PNISR: variants seen among roughly 807,000 people sequenced by gnomAD.
PNISR encodes the protein arginine/serine-rich protein PNISR.
A neutral mutation model predicts 93.4 loss-of-function variants in PNISR; 20 were observed. The ratio of observed to expected loss-of-function variants is 0.21; its 90% confidence interval spans 0.15 to 0.31. PNISR has a LOEUF of 0.31. Ranked by LOEUF, PNISR falls within the 10% of genes least tolerant of loss-of-function variation. PNISR has a pLI of 1.00. For missense variants in PNISR, 893 were observed against 985.4 expected (o/e 0.91, Z 1.25); for synonymous variants, 305 against 306.5 (o/e 0.99, Z 0.05).
In PNISR at chr6:99,408,192, C is replaced by T. The variant is rs555235568; in HGVS notation, c.753G>A (p.Leu251=). The T allele has an allele frequency of 5.6e-6, 9 of 1,613,218 alleles. No individual in the cohort carries two copies. In the South Asian group the frequency reaches 7.7e-5, roughly 14 times the overall value. The part of the protein sequence containing the change: ...EKMEREKQKK[L]EKERMEQQRS... Reference sequence around the variant, plus strand: ...GTTGTTGTTCCATTCTTTCTTTCTCCAATTTCTTCTGCTTTTCACGTTCCA... The same window carrying T: ...GTTGTTGTTCCATTCTTTCTTTCTCTAATTTCTTCTGCTTTTCACGTTCCA... The change falls in exon 7 of 12, where the codon TTG becomes TTA. Residue 251 remains leucine (L), a synonymous_variant. Coordinates refer to ENST00000369239, the MANE Select transcript of PNISR (RefSeq NM_032870.4).
chr6:99,414,696 ATAAAT>A lies in PNISR; in HGVS notation c.-31-11_-31-7del, dbSNP rs1777431894. ...AAATATACTTGATTTTCTATCTTCAATAAATTAAACATAGTTTAAAAATTATAGTG... is the reference window on the plus strand; with the variant it reads ...AAATATACTTGATTTTCTATCTTCAATAAACATAGTTTAAAAATTATAGTG... On this transcript the variant is annotated splice_region_variant and splice_polypyrimidine_tract_variant and intron_variant, in intron 2 of 11. Transcript: ENST00000369239. 1.5e-6 allele frequency: 2 copies of A among 1,301,248 alleles called. No homozygotes were observed. The highest frequency in any genetic ancestry group is 3.0e-5 in the African/African-American group (2 of 67,422). The allele number at this position is 1,301,248 out of a possible 1,614,324, so 80.6% of individuals were successfully genotyped here. A position where few individuals can be genotyped will look rare whatever the true frequency, so the allele number is the denominator to read the frequency against.
At chr6:99,404,099 G>A in intron 9 of PNISR, 1 of 525,218 alleles carries the variant, frequency 1.9e-6, no homozygotes, top group Non-Finnish European at 3.4e-6. Flanking sequence ...GAGAAAAAAT[G>A]TTGACAGGTA....
intron 10 of PNISR, chr6:99,403,314 A>G (rs1775750870): frequency 6.6e-6 from 1 of 152,278 alleles, no homozygotes; most frequent in African/African-American, 2.4e-5. Context: ...TTGATAATAT[A>G]CCATGCAAAT....
chr6:99,410,845 C>T lies in PNISR; in HGVS notation c.397G>A (p.Glu133Lys). The change falls in exon 5 of 12, where the codon GAA becomes AAA. Residue 133 changes from glutamate (E) to lysine (K), a missense_variant. Physicochemically the swap from Glu to Lys is moderately conservative, Grantham distance 56. Coordinates refer to ENST00000369239, the MANE Select transcript of PNISR (RefSeq NM_032870.4). ...SEDSNSQDSG[E>K]FAPDNRHIFN... ...ATATGCCTGTTGTCAGGGGCAAATT[C>T]CCCACTGTCCTGACTGTTGCTGTCT... is the stretch of plus-strand genomic sequence containing the variant. 3.1e-6 allele frequency: 5 copies of T among 1,614,032 alleles called. No homozygotes were observed. Among genetic ancestry groups the T allele is most frequent in the Non-Finnish European group, 4.2e-6 (5 of 1,179,958 alleles).
rs780330148 is a variant in PNISR, at chr6:99,406,147, CT to C, written c.885del (p.Asp296ThrfsTer30). ...RSKFDSDEEE[E>X]DTENVEAASS... is the part of the protein sequence containing the mutation. ...CTTGCAGCCTCAACATTTTCAGTGT[CT>C]TCTTCTTCCTCATCACTATCCTATA... On this transcript the variant is annotated frameshift_variant, in exon 8 of 12. Transcript: ENST00000369239. LOFTEE classifies it high-confidence loss of function. 6.2e-7 allele frequency: 1 copy of C among 1,609,270 alleles called. No homozygotes were observed. Among genetic ancestry groups the C allele is most frequent in the African/African-American group, 1.3e-5 (1 of 74,912 alleles).
At chr6:99,421,790 C>T (rs1196123363) in intron 1 of PNISR, among the ~76,000 whole-genome samples, 1 of 152,214 alleles carries the variant, frequency 6.6e-6, no homozygotes, top group African/African-American at 2.4e-5. Context: ...TGGCCATCAT[C>T]TATTTTATCC....
rs1166838873 is a variant in PNISR at position 99,419,152 on chromosome 6, C to CAAAAAAAAAAAAAAAAAAAAAAA, written c.-111-2747_-111-2725dup. On this transcript the variant is annotated intron_variant, in intron 1 of 11. Transcript: ENST00000369239. ...TGGGTGCCAGAGCGAGACTCCGTCT[C>CAAAAAAAAAAAAAAAAAAAAAAA]AAAAAAAAAAAAAAAAAAAAAAAAA... Among the ~76,000 whole-genome samples, 2 of 19,824 alleles carry CAAAAAAAAAAAAAAAAAAAAAAA rather than the reference C, an allele frequency of 1.0e-4. 1 individual carries two copies. Among genetic ancestry groups the CAAAAAAAAAAAAAAAAAAAAAAA allele is most frequent in the Non-Finnish European group, 1.9e-4 (2 of 10,406 alleles). The allele number at this position is 19,824 out of a possible 152,430, so 13.0% of individuals were successfully genotyped here.
In PNISR at chr6:99,403,956, T is replaced by C. The variant is rs921019098; in HGVS notation, c.1103-74A>G. ...CGATTTCATAGTCATGAGTCTATGG[T>C]ATTGTTAAATCTACTACTATTGCTG... On this transcript the variant is annotated intron_variant, in intron 9 of 11. Coordinates refer to ENST00000369239, the MANE Select transcript of PNISR (RefSeq NM_032870.4). 6.0e-5 allele frequency: 62 copies of C among 1,029,984 alleles called. No homozygotes were observed. In the Middle Eastern group the frequency reaches 6.1e-4, roughly 10 times the overall value. 63.8% of individuals were successfully genotyped at this position (1,029,984 alleles called of 1,614,324 possible).
rs150836474 is a variant in PNISR, at chr6:99,401,800, A to G, written c.1328-170T>C. On this transcript the variant is annotated intron_variant, in intron 11 of 11. Coordinates refer to ENST00000369239, the MANE Select transcript of PNISR (RefSeq NM_032870.4). ...TAGTAACCACATTAAAAAAGTAAAAAGAAACAGGTAAAATAACCCAATATA... is the reference window on the plus strand; with the variant it reads ...TAGTAACCACATTAAAAAAGTAAAAGGAAACAGGTAAAATAACCCAATATA... Among the ~76,000 whole-genome samples the G allele has an allele frequency of 1.4e-4, 22 of 152,354 alleles. No homozygotes were observed. The East Asian group carries it at 4.0e-3, about 28-fold the overall frequency.
intron 8 of PNISR, among the ~76,000 whole-genome samples, chr6:99,404,988 A>T (rs1775977628): frequency 6.6e-6 from 1 of 152,144 alleles, no homozygotes; most frequent in African/African-American, 2.4e-5. Flanking sequence ...CATGTTGGCC[A>T]GGCTTGTCTT....
At chr6:99,412,411 C>T (rs960046546) in intron 4 of PNISR, 140 bp downstream of exon 4, 1 of 725,074 alleles carries the variant, frequency 1.4e-6, no homozygotes, top group Non-Finnish European at 2.5e-6. Context: ...ATGTCAAAGT[C>T]AAATCAAATT....
At position 99,418,410 on chromosome 6, in the gene PNISR, A is replaced by G. The variant is rs1257403653; in HGVS notation, c.-111-1982T>C. On this transcript the variant is annotated intron_variant, in intron 1 of 11. Transcript: ENST00000369239. ...CTCAGCCTCCCAAAGTGCTGGGATT[A>G]TAGGTGTGAACCACCGCACCCAGCT... 2.0e-5 allele frequency among the ~76,000 whole-genome samples: 3 copies of G among 151,578 alleles called. No individual in the cohort carries two copies. The East Asian group carries it at 5.8e-4, about 29-fold the overall frequency.
At chr6:99,424,888 T>G (rs1779256934) in intron 1 of PNISR, 2 of 224,462 alleles carry the variant, frequency 8.9e-6, no homozygotes, top group East Asian at 8.9e-5. Flanking sequence ...TGAACCCCCT[T>G]CCCACAAGGG....
chr6:99,400,292 G>T lies in PNISR; in HGVS notation c.*248C>A. ...TGCCACATCATTCCTCAGCGTTTAC[G>T]ACGGGGAGGGGTTGTTGATCTGAAA... On this transcript the variant is annotated 3_prime_UTR_variant, in exon 12 of 12. Coordinates refer to ENST00000369239, the MANE Select transcript of PNISR (RefSeq NM_032870.4). 9.7e-7 allele frequency: 1 copy of T among 1,026,410 alleles called. No individual in the cohort carries two copies. Among genetic ancestry groups the T allele is most frequent in the Non-Finnish European group, 1.2e-6 (1 of 848,978 alleles). 63.6% of individuals were successfully genotyped at this position (1,026,410 alleles called of 1,614,324 possible).
chr6:99,407,966 G>T, intron 7 of PNISR, 115 bp downstream of exon 7: 2 of 704,904 alleles, frequency 2.8e-6, no homozygotes, highest in Non-Finnish European at 4.7e-6. Flanking sequence ...CTTAATGAAC[G>T]TAATCTTAGG....
At position 99,401,417 on chromosome 6, in the gene PNISR, C is replaced by G. The variant is rs1775483568; in HGVS notation, c.1541G>C (p.Ser514Thr). ...KQGRSRSGSS[S>T]SGSSSSNSRT... ...GCTATTGCTACTGGAACTACCACTA[C>G]TAGAACTTCCCGACCTACTCCTTCC... The change falls in exon 12 of 12, where the codon AGT becomes ACT. Residue 514 changes from serine to threonine, a missense_variant. By Grantham distance (58) the Ser-to-Thr change is moderately conservative (BLOSUM62 1). Transcript: ENST00000369239. 5 of 1,606,508 alleles carry G rather than the reference C, an allele frequency of 3.1e-6. No individual in the cohort carries two copies. Among genetic ancestry groups the G allele is most frequent in the Non-Finnish European group, 4.3e-6 (5 of 1,174,060 alleles).
rs1281610727 is a variant in PNISR at position 99,402,651 on chromosome 6, C to G, written c.1216G>C (p.Glu406Gln). 6.2e-7 allele frequency: 1 copy of G among 1,612,572 alleles called. No homozygotes were observed. Among genetic ancestry groups the G allele is most frequent in the Non-Finnish European group, 8.5e-7 (1 of 1,178,838 alleles). Residue 406 changes from glutamate (E) to glutamine (Q), a missense_variant, in exon 11 of 12, where the codon GAG becomes CAG. Glu to Gln is a conservative substitution (Grantham distance 29). Transcript: ENST00000369239. Reference sequence around the variant, plus strand: ...TCTTCATCATCAGTGTCAGATGACTCAGATCCTCTGTCACTCCTCTCATCT... The same window carrying G: ...TCTTCATCATCAGTGTCAGATGACTGAGATCCTCTGTCACTCCTCTCATCT... ...SEDERSDRGS[E>Q]SSDTDDEELR... is the part of the protein sequence containing the mutation.
Position 99,399,806 on chromosome 6 carries a change from G to A in PNISR, c.*734C>T, listed in dbSNP as rs1382844576. The A allele has an allele frequency of 6.6e-6, 1 of 152,134 alleles. No individual in the cohort carries two copies. Among genetic ancestry groups the A allele is most frequent in the African/African-American group, 2.4e-5 (1 of 41,448 alleles). 9.4% of individuals were successfully genotyped at this position (152,134 alleles called of 1,614,324 possible). A position where few individuals can be genotyped will look rare whatever the true frequency, so the allele number is the denominator to read the frequency against. On this transcript the variant is annotated 3_prime_UTR_variant, in exon 12 of 12. Transcript: ENST00000369239. ...AAGTTGGAATCTGGCAAAAGTCCATGGGTACAATTTACAAACTTTGACAAA... is the reference window on the plus strand; with the variant it reads ...AAGTTGGAATCTGGCAAAAGTCCATAGGTACAATTTACAAACTTTGACAAA...
chr6:99,414,764 A>T lies in PNISR; in HGVS notation c.-31-74T>A, dbSNP rs905463041. On this transcript the variant is annotated intron_variant, in intron 2 of 11. Transcript: ENST00000369239. ...TTAAAACCTCACATCAGAAATTATTATATGATGATACATTTATTTCATCAG... is the reference window on the plus strand; with the variant it reads ...TTAAAACCTCACATCAGAAATTATTTTATGATGATACATTTATTTCATCAG... 12 of 626,178 alleles carry T rather than the reference A, an allele frequency of 1.9e-5. No homozygotes were observed. The Admixed American group carries it at 4.0e-4, about 21-fold the overall frequency. 38.8% of individuals were successfully genotyped at this position (626,178 alleles called of 1,614,324 possible). A position where few individuals can be genotyped will look rare whatever the true frequency, so the allele number is the denominator to read the frequency against.
Sources: gnomAD v4.1 joint callset for allele counts (sites outside exome capture counted in the v4.1 genomes callset) on GRCh38, gnomAD v4.1.1 for gene constraint, MANE v1.5 for transcripts, NCBI Gene and HGNC (gene_info 2026-07-23, HGNC 2026-07-21) for gene names.